The following MLXIPL variants were observed in gnomAD, a reference collection of about 807,000 sequenced individuals.
MLXIPL encodes the protein MLX interacting protein like, also known as carbohydrate-responsive element-binding protein.
MLXIPL carries 49 observed loss-of-function variants against 81.5 expected under a neutral mutation model. The ratio of observed to expected loss-of-function variants is 0.60; its 90% CI spans 0.48 to 0.76. The LOEUF (loss-of-function observed/expected upper bound fraction) is 0.76, where lower values mean the gene tolerates loss of function less well. Ranked by LOEUF, MLXIPL falls within the 30% of genes least tolerant of loss-of-function variation. MLXIPL has a pLI of 0.00. For missense variants in MLXIPL, 1,053 were observed against 1,167.0 expected, an observed-to-expected ratio of 0.90 and a Z score of 1.42; for synonymous variants, 466 against 485.5, an observed-to-expected ratio of 0.96 and a Z score of 0.53.
the MLXIPL span, among the ~76,000 whole-genome samples, chr7:73,632,429 G>A: frequency 3.3e-5 from 5 of 152,138 alleles, no homozygotes; most frequent in East Asian, 5.8e-4. Flanking sequence ...ATTTGAAAAC[G>A]AAACCGACTT....
chr7:73,625,389 T>C (rs1413505892), upstream of MLXIPL, among the ~76,000 whole-genome samples: 1 of 152,190 alleles, frequency 6.6e-6, no homozygotes, highest in East Asian at 1.9e-4. Context: ...AGGGGCCTGA[T>C]GTGGTAAGCC....
Position 73,599,645 on chromosome 7 carries a change from G to C in MLXIPL, c.952C>G (p.Pro318Ala). The C allele has an allele frequency of 1.2e-6, 2 of 1,609,140 alleles. No individual in the cohort carries two copies. The highest frequency in any genetic ancestry group is 1.7e-6 in the Non-Finnish European group (2 of 1,177,478). Residue 318 changes from proline to alanine, a missense_variant, in exon 8 of 17, where the codon CCA (proline) becomes GCA (alanine). Pro to Ala is a conservative substitution (Grantham distance 27). Coordinates refer to ENST00000313375, the MANE Select transcript of MLXIPL (RefSeq NM_032951.3). ...ACGGGGCTGAAGCTGGGGGGCTCTG[G>C]GAAGTTTGAAGGCATGGGCGGCTGT... ...LPQPPMPSNF[P>A]EPPSFSPVVD...
intron 6 of MLXIPL, 46 bp downstream of exon 6, chr7:73,605,864 C>T (rs1554597841): frequency 6.4e-7 from 1 of 1,565,412 alleles, no homozygotes; most frequent in Non-Finnish European, 8.7e-7. Flanking sequence ...CTCCTGGAAT[C>T]TCACAGGCCT....
chr7:73,634,981 A>ATT, the MLXIPL span, among the ~76,000 whole-genome samples: 23 of 131,740 alleles, frequency 1.7e-4, no homozygotes, highest in African/African-American at 5.6e-4. Context: ...ACGCCCAGCT[A>ATT]TTTTTTTTTT....
chr7:73,614,645 T>C lies in MLXIPL; in HGVS notation c.400+1426A>G, dbSNP rs189391947. On this transcript the variant is annotated intron_variant, in intron 2 of 16. Transcript: ENST00000313375. ...GGATCCAAGTCCTCTCTGCCTCTGC[T>C]GCCCTGCCATGGGGAGTGGGGTGTT... is the stretch of plus-strand genomic sequence containing the variant. Among the ~76,000 whole-genome samples, 11 of 152,300 alleles carry C rather than the reference T, an allele frequency of 7.2e-5. No individual in the cohort carries two copies. The East Asian group carries it at 2.1e-3, about 29-fold the overall frequency.
intron 7 of MLXIPL, among the ~76,000 whole-genome samples, chr7:73,603,772 G>A (rs943956545): frequency 1.3e-5 from 2 of 152,206 alleles, no homozygotes; most frequent in Admixed American, 6.5e-5. Context: ...GCGAAGTGAG[G>A]AAGGCCACTT....
chr7:73,600,410 G>C (rs1191062285), intron 7 of MLXIPL, among the ~76,000 whole-genome samples: 1 of 120,396 alleles, frequency 8.3e-6, no homozygotes, highest in Non-Finnish European at 1.7e-5. Flanking sequence ...GGCTCCAAGT[G>C]GGGTGTGGGC....
At chr7:73,616,308 A>T in intron 1 of MLXIPL, 131 bp from the exon 2 acceptor site, 1 of 768,512 alleles carries the variant, frequency 1.3e-6, no homozygotes, top group Non-Finnish European at 2.3e-6. Flanking sequence ...TGGCCCCCCA[A>T]CCCAACCTGC....
At chr7:73,639,102 C>T in the MLXIPL span, among the ~76,000 whole-genome samples, 2 of 152,026 alleles carry the variant, frequency 1.3e-5, no homozygotes, top group African/African-American at 2.4e-5. Context: ...AGGAAGAACT[C>T]GGTGGCACAA....
chr7:73,603,260 G>C (rs1369372665), intron 7 of MLXIPL, among the ~76,000 whole-genome samples: 1 of 152,232 alleles, frequency 6.6e-6, no homozygotes, highest in African/African-American at 2.4e-5. Flanking sequence ...AGGGCCACAC[G>C]AGCCACCTCC....
chr7:73,619,358 G>A (rs1464997949), intron 1 of MLXIPL, among the ~76,000 whole-genome samples: 1 of 152,026 alleles, frequency 6.6e-6, no homozygotes, highest in Non-Finnish European at 1.5e-5. Flanking sequence ...CTACTTGGGA[G>A]GCTAAGCCAG....
intron 2 of MLXIPL, among the ~76,000 whole-genome samples, chr7:73,608,432 CA>C (rs1271425966): frequency 1.3e-5 from 2 of 152,046 alleles, no homozygotes; most frequent in African/African-American, 4.8e-5. Context: ...ACTAAAAATA[CA>C]AAAATTAGCC....
In MLXIPL at chr7:73,605,835, C is replaced by T; in HGVS notation, c.821-67G>A. On this transcript the variant is annotated intron_variant, in intron 6 of 16. Coordinates refer to ENST00000313375, the MANE Select transcript of MLXIPL (RefSeq NM_032951.3). ...GGAGCAGGGTCCCCACCCCCATCCC[C>T]AGCCATCCCTCCCTTGGCCTCCTGG... 3.2e-6 allele frequency: 5 copies of T among 1,582,126 alleles called. No individual in the cohort carries two copies. The South Asian group carries it at 3.4e-5, about 11-fold the overall frequency.
chr7:73,620,249 C>T (rs1205326438), intron 1 of MLXIPL, among the ~76,000 whole-genome samples: 4 of 147,434 alleles, frequency 2.7e-5, no homozygotes, highest in African/African-American at 1.0e-4. Flanking sequence ...ACTAAAAATA[C>T]AAAAATTAGC....
the MLXIPL span, among the ~76,000 whole-genome samples, chr7:73,642,553 G>A: frequency 1.3e-5 from 2 of 152,092 alleles, no homozygotes; most frequent in Non-Finnish European, 1.5e-5. Flanking sequence ...ACAGAGTTTC[G>A]CCACCTTGGC....
rs1162551786 is a variant in MLXIPL at position 73,596,092 on chromosome 7, G to C, written c.2058+61C>G. 103 of 1,587,236 alleles carry C rather than the reference G, an allele frequency of 6.5e-5. 1 individual carries two copies. In the Admixed American group the frequency reaches 8.1e-4, roughly 12 times the overall value. On this transcript the variant is annotated intron_variant, in intron 13 of 16. Coordinates refer to ENST00000313375, the MANE Select transcript of MLXIPL (RefSeq NM_032951.3). The surrounding 1 kb of genome is among the most constrained non-coding windows in gnomAD (Gnocchi z 4.7). ...ACTCCCCTGCAATTGAGTTTTGGGT[G>C]GGGGGGGTCCAGAAAGGGGCCCTGT...
At chr7:73,622,303 C>T (rs1796433968) in intron 1 of MLXIPL, among the ~76,000 whole-genome samples, 1 of 151,932 alleles carries the variant, frequency 6.6e-6, no homozygotes, top group Non-Finnish European at 1.5e-5. Context: ...CCAGCCTGGC[C>T]AACATGGTGA....
chr7:73,641,003 C>A, the MLXIPL span, among the ~76,000 whole-genome samples: 140 of 151,696 alleles, frequency 9.2e-4, no homozygotes, highest in Admixed American at 2.9e-3. Context: ...TTCTGAGGGG[C>A]CTAAAGATCT....
At position 73,593,933 on chromosome 7, in the gene MLXIPL, C is replaced by A; in HGVS notation, c.2491G>T (p.Asp831Tyr). Residue 831 changes from aspartate (D) to tyrosine (Y), a missense_variant, in exon 17 of 17, where the codon GAC becomes TAC. By Grantham distance (160) the Asp-to-Tyr change is radical. This residue lies in a region of MLXIPL where 823 missense variants were observed against 933.0 expected (regional missense o/e 0.88). Transcript: ENST00000313375. Reference protein sequence around the residue: ...QLGTSTSILTDPGRIPEQATR... With the variant: ...QLGTSTSILTYPGRIPEQATR... ...GCTTGCTCAGGGATGCGGCCCGGGT[C>A]GGTCAGGATACTGGTAGATGTGCCC... The A allele has an allele frequency of 6.2e-7, 1 of 1,614,054 alleles. No individual in the cohort carries two copies. The highest frequency in any genetic ancestry group is 1.1e-5 in the South Asian group (1 of 91,074).
Sources: gnomAD v4.1 joint callset for allele counts (sites outside exome capture counted in the v4.1 genomes callset) on GRCh38, gnomAD v4.1.1 for gene constraint, gnomAD v4.1.1 regional missense constraint, Gnocchi (gnomAD v3.1) non-coding constraint, MANE v1.5 for transcripts, NCBI Gene and HGNC (gene_info 2026-07-23, HGNC 2026-07-21) for gene names.